The following CSMD3 variants were observed in gnomAD, a reference collection of about 807,000 sequenced individuals.
CSMD3 encodes the protein CUB and sushi domain-containing protein 3.
In CSMD3, 177 loss-of-function variants were observed where a neutral mutation model predicts 435.2. The observed-to-expected ratio is 0.41, with a 90% confidence interval of 0.36 to 0.46. CSMD3 has a LOEUF of 0.46. CSMD3 is among the 20% of genes least tolerant of loss of function. CSMD3 has a pLI of 0.34. For missense variants in CSMD3, 4,265 were observed against 4,504.6 expected (o/e 0.95, Z 1.52); for synonymous variants, 1,656 against 1,520.5 (o/e 1.09, Z -2.07).
chr8:112,541,360 T>C (rs919692198), intron 27 of CSMD3, among the ~76,000 whole-genome samples: 1 of 151,500 alleles, frequency 6.6e-6, no homozygotes, highest in African/African-American at 2.4e-5. Flanking sequence ...TCAACACAAT[T>C]GAGATTCCCT....
chr8:112,422,671 G>A (rs931308833), intron 32 of CSMD3, among the ~76,000 whole-genome samples: 21 of 152,122 alleles, frequency 1.4e-4, no homozygotes, highest in Non-Finnish European at 1.2e-4. Context: ...CCAGTAGGTA[G>A]ACGAAACAGA....
At chr8:112,632,418 A>C (rs898937563) in intron 22 of CSMD3, among the ~76,000 whole-genome samples, 2 of 152,088 alleles carry the variant, frequency 1.3e-5, no homozygotes, top group Non-Finnish European at 2.9e-5. Context: ...GAAATTAGAA[A>C]CAGAAGAAGA....
At chr8:112,360,008 C>A (rs1283447999) in intron 38 of CSMD3, among the ~76,000 whole-genome samples, 1 of 152,040 alleles carries the variant, frequency 6.6e-6, no homozygotes, top group African/African-American at 2.4e-5. Flanking sequence ...CGTTGATAAG[C>A]CTCACACATC....
chr8:112,947,463 T>C (rs943870443), intron 9 of CSMD3, among the ~76,000 whole-genome samples: 2 of 151,692 alleles, frequency 1.3e-5, no homozygotes, highest in East Asian at 1.9e-4. Context: ...GCAAACAGGA[T>C]AGAGCAACTT....
intron 9 of CSMD3, among the ~76,000 whole-genome samples, chr8:112,932,686 G>T (rs573643308): frequency 1.2e-4 from 18 of 152,178 alleles, no homozygotes; most frequent in Non-Finnish European, 2.4e-4. Flanking sequence ...TGCAGTGTGT[G>T]TGTGCGTGGG....
chr8:112,824,600 AT>A (rs2079622767), intron 12 of CSMD3, among the ~76,000 whole-genome samples: 1 of 152,106 alleles, frequency 6.6e-6, no homozygotes, highest in Admixed American at 6.5e-5. Context: ...TGGATTGAAA[AT>A]TCTTTTCTTT....
chr8:113,023,277 C>T (rs1564220467), intron 5 of CSMD3, among the ~76,000 whole-genome samples: 2 of 151,966 alleles, frequency 1.3e-5, no homozygotes, highest in African/African-American at 4.8e-5. Flanking sequence ...AATGTAATGG[C>T]CTATCTATAT....
At chr8:113,303,731 C>A (rs1423747202) in intron 2 of CSMD3, among the ~76,000 whole-genome samples, 30 of 134,994 alleles carry the variant, frequency 2.2e-4, no homozygotes, top group Non-Finnish European at 4.3e-4. Context: ...GAAACTGGAT[C>A]CCTTCCTTAC....
intron 11 of CSMD3, among the ~76,000 whole-genome samples, chr8:112,835,100 A>G (rs1024916537): frequency 2.0e-5 from 3 of 151,878 alleles, no homozygotes; most frequent in Admixed American, 6.6e-5. Context: ...AATGAAGTCA[A>G]TTAAAAATAA....
At chr8:113,088,230 G>A (rs2089872533) in intron 5 of CSMD3, among the ~76,000 whole-genome samples, 1 of 150,504 alleles carries the variant, frequency 6.6e-6, no homozygotes, top group Admixed American at 6.6e-5. Context: ...GAGAGGATGT[G>A]GAGAAATAGG....
At chr8:113,159,675 T>C (rs2092001623) in intron 4 of CSMD3, among the ~76,000 whole-genome samples, 2 of 152,062 alleles carry the variant, frequency 1.3e-5, no homozygotes, top group South Asian at 4.1e-4. Context: ...TTTATTCTTT[T>C]TCCTAAAGTC....
intron 11 of CSMD3, among the ~76,000 whole-genome samples, chr8:112,844,336 T>A (rs1247560216): frequency 6.6e-6 from 1 of 151,992 alleles, no homozygotes; most frequent in Non-Finnish European, 1.5e-5. Context: ...GGTTGTCATA[T>A]CTTTCCAAAA....
chr8:112,373,787 C>T (rs149163287), intron 38 of CSMD3, among the ~76,000 whole-genome samples: 122 of 152,118 alleles, frequency 8.0e-4, no homozygotes, highest in African/African-American at 2.7e-3. Context: ...GATTATTGGG[C>T]GGGCGGGAAT....
intron 2 of CSMD3, among the ~76,000 whole-genome samples, chr8:113,294,238 T>C (rs2093704435): frequency 6.6e-6 from 1 of 152,064 alleles, no homozygotes; most frequent in Non-Finnish European, 1.5e-5. Context: ...AATGTAATAA[T>C]AGTTTGTCTG....
intron 4 of CSMD3, among the ~76,000 whole-genome samples, chr8:113,113,284 A>G (rs1185709836): frequency 6.6e-6 from 1 of 152,176 alleles, no homozygotes; most frequent in Admixed American, 6.6e-5. Context: ...TCATATTAGG[A>G]GCAGTAATTT....
At chr8:113,316,887 T>A (rs553385256) in intron 1 of CSMD3, among the ~76,000 whole-genome samples, 1 of 152,270 alleles carries the variant, frequency 6.6e-6, no homozygotes, top group Admixed American at 6.5e-5. Flanking sequence ...CTCTGCTGAC[T>A]CCAGTGATGA....
intron 3 of CSMD3, among the ~76,000 whole-genome samples, chr8:113,264,543 A>G (rs1156377349): frequency 1.3e-5 from 2 of 151,446 alleles, no homozygotes; most frequent in South Asian, 2.1e-4. Flanking sequence ...TGTAGGTCAT[A>G]TATCACTAAC....
chr8:113,180,650 A>C (rs1564398614), intron 3 of CSMD3, among the ~76,000 whole-genome samples: 1 of 152,076 alleles, frequency 6.6e-6, no homozygotes, highest in Non-Finnish European at 1.5e-5. Flanking sequence ...TATCACACAG[A>C]TCTCATAGAA....
At chr8:112,738,007 T>C (rs1229609949) in intron 13 of CSMD3, among the ~76,000 whole-genome samples, 1 of 151,820 alleles carries the variant, frequency 6.6e-6, no homozygotes. Flanking sequence ...CTGATGATAG[T>C]TTGATTGACA....
Sources: allele counts gnomAD v4.1 joint callset (sites outside exome capture counted in the v4.1 genomes callset), GRCh38; gene constraint gnomAD v4.1.1; transcripts MANE v1.5; gene names NCBI Gene and HGNC (gene_info 2026-07-23, HGNC 2026-07-21).